The following SEM1 variants were observed in gnomAD, a reference collection of about 807,000 sequenced individuals.
SEM1 encodes SEM1 26S proteasome subunit.
Under a neutral mutation model 12.7 loss-of-function variants are expected in SEM1, and 3 were observed. The observed-to-expected ratio is 0.24, with a 90% CI of 0.11 to 0.61. SEM1 has a LOEUF of 0.61. SEM1 is among the 20% of genes least tolerant of loss of function. The pLI is 0.88. For synonymous variants in SEM1, 30 were observed against 27.8 expected (o/e 1.08, Z -0.25); for missense variants, 59 against 81.3 (o/e 0.73, Z 1.06).
chr7:96,703,986 C>CACAA (rs1315784300), intron 1 of SEM1, among the ~76,000 whole-genome samples: 2 of 145,366 alleles, frequency 1.4e-5, no homozygotes, highest in East Asian at 4.1e-4. Context: ...CACACACACA[C>CACAA]ACACACACAC....
At chr7:96,629,497 A>G (rs943875837) in intron 2 of SEM1, among the ~76,000 whole-genome samples, 1 of 151,836 alleles carries the variant, frequency 6.6e-6, no homozygotes, top group Non-Finnish European at 1.5e-5. Context: ...AGTTATTTCA[A>G]TCTCTACTAA....
At chr7:96,634,669 G>T (rs1481724804) in intron 2 of SEM1, among the ~76,000 whole-genome samples, 1 of 151,108 alleles carries the variant, frequency 6.6e-6, no homozygotes, top group Non-Finnish European at 1.5e-5. Context: ...ACTTGAGGAG[G>T]TGACATTTAA....
At chr7:96,615,132 T>TA (rs1481960900) in intron 2 of SEM1, among the ~76,000 whole-genome samples, 1 of 151,654 alleles carries the variant, frequency 6.6e-6, no homozygotes, top group South Asian at 2.1e-4. Flanking sequence ...CTGAACCTCA[T>TA]AAAAATGAAA....
downstream of SEM1, among the ~76,000 whole-genome samples, chr7:96,685,627 C>T (rs780626068): frequency 1.1e-4 from 17 of 151,864 alleles, 1 homozygote; most frequent in Non-Finnish European, 4.4e-5. Context: ...TGGTGCTTTT[C>T]TTCATATATG....
intron 2 of SEM1, chr7:96,664,468 A>C (rs1374408300): frequency 1.3e-5 from 2 of 152,188 alleles, no homozygotes; most frequent in Admixed American, 6.5e-5. Flanking sequence ...ACAGGTTGAG[A>C]AGTTCTCGAG....
chr7:96,521,426 T>G (rs759629078), intron 2 of SEM1, among the ~76,000 whole-genome samples: 2 of 152,120 alleles, frequency 1.3e-5, no homozygotes, highest in Non-Finnish European at 2.9e-5. Flanking sequence ...GGGACAAGCG[T>G]CTGGTTAGTT....
intron 2 of SEM1, among the ~76,000 whole-genome samples, chr7:96,566,168 A>G (rs1261888104): frequency 6.6e-6 from 1 of 151,666 alleles, no homozygotes; most frequent in African/African-American, 2.4e-5. Context: ...AGTTAAACAT[A>G]CAGTATAATA....
intron 1 of SEM1, 72 bp from the exon 2 acceptor site, chr7:96,694,963 G>A (rs1400874205): frequency 1.8e-6 from 2 of 1,090,470 alleles, no homozygotes; most frequent in Non-Finnish European, 2.8e-6. Context: ...ACTTTGAAAA[G>A]CTTGCTACTG....
chr7:96,648,153 G>T (rs1037536081), intron 2 of SEM1, among the ~76,000 whole-genome samples: 1 of 152,178 alleles, frequency 6.6e-6, no homozygotes, highest in Non-Finnish European at 1.5e-5. Flanking sequence ...GGGGAAAATG[G>T]CATTCACAAT....
intron 2 of SEM1, among the ~76,000 whole-genome samples, chr7:96,536,591 G>A (rs1480144946): frequency 6.6e-6 from 1 of 151,654 alleles, no homozygotes; most frequent in Non-Finnish European, 1.5e-5. Context: ...GTACTTTGAT[G>A]TTCTTTTGTT....
rs375019865 is a variant in SEM1 at position 96,612,780 on chromosome 7, C to T, written c.170+82018G>A. Among the ~76,000 whole-genome samples, 221 of 152,134 alleles carry T rather than the reference C, an allele frequency of 1.5e-3. 1 individual carries two copies. Among genetic ancestry groups the T allele is most frequent in the African/African-American group, 4.8e-3 (198 of 41,528 alleles). Reference sequence around the variant, plus strand: ...CCTCCCCAGTAGCTGGGACTACAGGCGCCTGCCACCACACCCGGCTAATTT... The same window carrying T: ...CCTCCCCAGTAGCTGGGACTACAGGTGCCTGCCACCACACCCGGCTAATTT... On this transcript the variant is annotated intron_variant and NMD_transcript_variant, in intron 2 of 3. Coordinates refer to the SEM1 transcript ENST00000466986.
intron 2 of SEM1, among the ~76,000 whole-genome samples, chr7:96,664,904 C>G (rs1478519435): frequency 6.6e-6 from 1 of 152,158 alleles, no homozygotes; most frequent in African/African-American, 2.4e-5. Flanking sequence ...AAATAAAATG[C>G]TAACACCCAC....
downstream of SEM1, chr7:96,688,741 A>T (rs1789837014): frequency 2.0e-6 from 1 of 506,184 alleles, no homozygotes; most frequent in African/African-American, 2.0e-5. Context: ...GAAGCAAAAG[A>T]TTAAGACTTC....
intron 2 of SEM1, among the ~76,000 whole-genome samples, chr7:96,624,105 A>G (rs1250398797): frequency 1.3e-5 from 2 of 152,156 alleles, no homozygotes; most frequent in Admixed American, 6.6e-5. Context: ...CTTTTAACAT[A>G]TAAGGTAATA....
chr7:96,569,883 G>A (rs898246665), intron 2 of SEM1, among the ~76,000 whole-genome samples: 1 of 151,436 alleles, frequency 6.6e-6, no homozygotes, highest in Non-Finnish European at 1.5e-5. Flanking sequence ...TTTATGGCTC[G>A]GTAGTGTTTC....
intron 2 of SEM1, among the ~76,000 whole-genome samples, chr7:96,632,273 TGGTCACAATAGCAAA>T (rs1808286028): frequency 6.6e-6 from 1 of 152,280 alleles, no homozygotes; most frequent in Admixed American, 6.5e-5. Flanking sequence ...ATTGTGGCAC[TGGTCACAATAGCAAA>T]GACTTGGAAC....
intron 2 of SEM1, among the ~76,000 whole-genome samples, chr7:96,642,535 TC>T (rs1808648775): frequency 6.6e-6 from 1 of 151,924 alleles, no homozygotes; most frequent in Admixed American, 6.6e-5. Context: ...TTTTAAACTC[TC>T]CAGGAAAAGT....
At chr7:96,609,090 T>C (rs1222914162) in intron 2 of SEM1, among the ~76,000 whole-genome samples, 1 of 152,204 alleles carries the variant, frequency 6.6e-6, no homozygotes, top group East Asian at 1.9e-4. Flanking sequence ...CTTTTTCACA[T>C]CCTTGTCAGC....
At chr7:96,625,400 TTAAAGA>T (rs1219462103) in intron 2 of SEM1, among the ~76,000 whole-genome samples, 8 of 152,232 alleles carry the variant, frequency 5.3e-5, no homozygotes, top group African/African-American at 1.2e-4. Flanking sequence ...CAACAAAAAC[TTAAAGA>T]TAAAGTTAAC....
Sources: gnomAD v4.1 joint callset for allele counts (sites outside exome capture counted in the v4.1 genomes callset) on GRCh38, gnomAD v4.1.1 for gene constraint, MANE v1.5 for transcripts, NCBI Gene and HGNC (gene_info 2026-07-23, HGNC 2026-07-21) for gene names.